CASP1: variants seen among roughly 807,000 people sequenced by gnomAD.
The protein encoded by CASP1 is caspase 1.
In CASP1, 31 loss-of-function variants were observed where a neutral mutation model predicts 41.2. The observed-to-expected ratio is 0.75, with a 90% CI of 0.57 to 1.02. CASP1 has a LOEUF of 1.02. Among genes scored for constraint, CASP1 ranks in the 50% least tolerant of loss-of-function variants. CASP1 has a pLI of 0.00. For synonymous variants in CASP1, 163 were observed against 166.5 expected (o/e 0.98, Z 0.16); for missense variants, 490 against 495.7 (o/e 0.99, Z 0.11).
chr11:105,027,131 T>C, intron 7 of CASP1, 180 bp from the exon 8 acceptor site: 4 of 654,110 alleles, frequency 6.1e-6, no homozygotes, highest in Non-Finnish European at 1.1e-5. Flanking sequence ...TATCTAAATG[T>C]GCATTCCCAA....
chr11:105,035,254 C>G, upstream of CASP1: 1 of 1,174,392 alleles, frequency 8.5e-7, no homozygotes, highest in South Asian at 1.3e-5. Context: ...ATTAAAGAAT[C>G]AGAACTGTAG....
chr11:105,029,240 T>C lies in CASP1; in HGVS notation c.890A>G (p.Asp297Gly). The C allele has an allele frequency of 1.2e-6, 2 of 1,613,114 alleles. No individual in the cohort carries two copies. The highest frequency in any genetic ancestry group is 1.3e-5 in the African/African-American group (1 of 74,988). The stretch of plus-strand genomic sequence containing the variant: ...TAGGTTTCCAGAAACTCCTACTGAA[T>C]CTTTAAACCACACCACACCAGGGCT... ...GDSPGVVWFK[D>G]SVGVSGNLSL... Residue 297 changes from aspartate to glycine, a missense_variant, in exon 7 of 9, where the codon GAT becomes GGT. Physicochemically the swap from Asp to Gly is moderately conservative, Grantham distance 94. Coordinates refer to ENST00000533400, the MANE Select transcript of CASP1 (RefSeq NM_001257118.3).
intron 8 of CASP1, 102 bp from the exon 9 acceptor site, chr11:105,026,458 A>T: frequency 1.4e-6 from 1 of 721,824 alleles, no homozygotes; most frequent in Non-Finnish European, 2.4e-6. Flanking sequence ...ATAGCAAAAT[A>T]AGTGACAAAA....
At chr11:105,030,214 G>A (rs1863599399) in intron 5 of CASP1, 116 bp downstream of exon 5, 2 of 909,694 alleles carry the variant, frequency 2.2e-6, no homozygotes, top group East Asian at 4.9e-5. Context: ...CTCATGGCAA[G>A]TTTGTATTTT....
chr11:105,032,851 G>C (rs1355593235), intron 3 of CASP1, among the ~76,000 whole-genome samples: 1 of 152,162 alleles, frequency 6.6e-6, no homozygotes, highest in East Asian at 1.9e-4. Flanking sequence ...GGGTAATCAG[G>C]ATTTGAGACA....
chr11:105,027,116 T>C (rs557905), intron 7 of CASP1, 165 bp from the exon 8 acceptor site: 104,337 of 667,716 alleles, frequency 0.16, 9,527 homozygotes, highest in Admixed American at 0.28. Flanking sequence ...GATTTGGAAA[T>C]GAAATATCTA....
At chr11:105,026,805 G>A (rs1474018743) in intron 8 of CASP1, 37 bp downstream of exon 8, 1 of 1,027,032 alleles carries the variant, frequency 9.7e-7, no homozygotes, top group East Asian at 2.4e-5. Context: ...AAGCATTCAG[G>A]GAAGTAGAGT....
rs375010411 is a variant in CASP1, at chr11:105,031,283, G to A, written c.338-3C>T. 3.8e-5 allele frequency: 59 copies of A among 1,545,582 alleles called. 1 individual carries two copies. In the African/African-American group the frequency reaches 7.5e-4, roughly 20 times the overall value. ...GTTGTCCTGCACTGCCTGAGGAGCT[G>A]CAAGAGACAAAGAACATCATGAACA... On this transcript the variant is annotated splice_region_variant and splice_polypyrimidine_tract_variant and intron_variant, in intron 3 of 8. Coordinates refer to ENST00000533400, the MANE Select transcript of CASP1 (RefSeq NM_001257118.3).
chr11:105,033,981 T>C lies in CASP1; in HGVS notation c.274+227A>G. ...GAGCTTCAGTAAAGGAGCTACCACA[T>C]ACTCAGAACAGGAAATGAGCTTTAA... On this transcript the variant is annotated intron_variant, in intron 2 of 8. Coordinates refer to ENST00000533400, the MANE Select transcript of CASP1 (RefSeq NM_001257118.3). 3 of 818,498 alleles carry C rather than the reference T, an allele frequency of 3.7e-6. No individual in the cohort carries two copies. The Admixed American group carries it at 5.2e-5, about 14-fold the overall frequency. 50.7% of individuals were successfully genotyped at this position (818,498 alleles called of 1,614,324 possible). A position where few individuals can be genotyped will look rare whatever the true frequency, so the allele number is the denominator to read the frequency against.
In CASP1 at chr11:105,034,245, T is replaced by G. The variant is rs762872308; in HGVS notation, c.237A>C (p.Glu79Asp). 2 of 1,614,154 alleles carry G rather than the reference T, an allele frequency of 1.2e-6. No homozygotes were observed. Among genetic ancestry groups the G allele is most frequent in the Non-Finnish European group, 1.7e-6 (2 of 1,179,994 alleles). The change falls in exon 2 of 9, where the codon GAA becomes GAC. Residue 79 changes from glutamate (E) to aspartate (D), a missense_variant. By Grantham distance (45) the Glu-to-Asp change is conservative (BLOSUM62 2). Transcript: ENST00000533400. ...CCAGCGTCCCTGCCAGGTAACTGTC[T>G]TCTTCACAAATGTATGTGATGCAAA... ...CQICITYICE[E>D]DSYLAGTLGL...
At chr11:105,030,723 A>G (rs1863639007) in intron 4 of CASP1, 9 of 476,156 alleles carry the variant, frequency 1.9e-5, no homozygotes, top group Non-Finnish European at 3.0e-5. Flanking sequence ...GTTGTTCTTG[A>G]TAGGTAGGAT....
rs537942254 is a variant in CASP1 at position 105,029,422 on chromosome 11, T to C, written c.863-155A>G. ...ATTTCAGTTACAATCTTTTCAACAATGTTTATCTTTTCTAACCATCAAACA... is the reference window on the plus strand; with the variant it reads ...ATTTCAGTTACAATCTTTTCAACAACGTTTATCTTTTCTAACCATCAAACA... On this transcript the variant is annotated intron_variant, in intron 6 of 8. Transcript: ENST00000533400. 7.2e-5 allele frequency among the ~76,000 whole-genome samples: 11 copies of C among 152,306 alleles called. No individual in the cohort carries two copies. In the East Asian group the frequency reaches 2.1e-3, roughly 29 times the overall value.
At chr11:105,030,287 A>G in intron 5 of CASP1, 43 bp downstream of exon 5, 1 of 1,474,890 alleles carries the variant, frequency 6.8e-7, no homozygotes, top group Non-Finnish European at 9.3e-7. Flanking sequence ...ATTCAGTTAT[A>G]CGAAGGGCAT....
chr11:105,025,568 C>T lies in CASP1; in HGVS notation c.*690G>A, dbSNP rs1398594323. ...AGTTTATTATTCAGCAGACATAATT[C>T]CAAAAACCTTTACAGAAGGATCTCT... On this transcript the variant is annotated 3_prime_UTR_variant, in exon 9 of 9. Coordinates refer to ENST00000533400, the MANE Select transcript of CASP1 (RefSeq NM_001257118.3). 2 of 423,224 alleles carry T rather than the reference C, an allele frequency of 4.7e-6. No individual in the cohort carries two copies. The highest frequency in any genetic ancestry group is 4.2e-5 in the African/African-American group (2 of 47,396). 26.2% of individuals were successfully genotyped at this position (423,224 alleles called of 1,614,324 possible). A position where few individuals can be genotyped will look rare whatever the true frequency, so the allele number is the denominator to read the frequency against.
At chr11:105,029,006 T>A (rs977521235) in intron 7 of CASP1, 118 bp downstream of exon 7, 1 of 887,926 alleles carries the variant, frequency 1.1e-6, no homozygotes, top group Non-Finnish European at 1.7e-6. Context: ...GAATTCTGTG[T>A]ATAACTTGGA....
At chr11:105,028,853 A>T (rs1863486462) in intron 7 of CASP1, among the ~76,000 whole-genome samples, 1 of 152,180 alleles carries the variant, frequency 6.6e-6, no homozygotes, top group African/African-American at 2.4e-5. Flanking sequence ...GCAGAGTCAG[A>T]TTCTAATGTA....
chr11:105,035,616 C>CTTTTTTTTTTT (rs770202897), upstream of CASP1, among the ~76,000 whole-genome samples: 959 of 51,928 alleles, frequency 0.018, 20 homozygotes, highest in South Asian at 0.024. Flanking sequence ...TTTTTTCTTT[C>CTTTTTTTTTTT]TGTTTTTTTT....
At chr11:105,032,678 A>G (rs946721434) in intron 3 of CASP1, among the ~76,000 whole-genome samples, 11 of 152,208 alleles carry the variant, frequency 7.2e-5, no homozygotes, top group Non-Finnish European at 1.5e-4. Flanking sequence ...GGTTTGAACA[A>G]CTGGTGACGG....
intron 1 of CASP1, 147 bp downstream of exon 1, chr11:105,034,960 A>C: frequency 8.0e-6 from 8 of 1,002,754 alleles, no homozygotes; most frequent in South Asian, 1.4e-5. Context: ...AGAATCTTCT[A>C]GTTCCTTCTC....
Sources: gnomAD v4.1 joint callset for allele counts (sites outside exome capture counted in the v4.1 genomes callset) on GRCh38, gnomAD v4.1.1 for gene constraint, MANE v1.5 for transcripts, NCBI Gene and HGNC (gene_info 2026-07-23, HGNC 2026-07-21) for gene names.